Variants in ITPR2 observed in about 807,000 individuals in gnomAD.
ITPR2 encodes the protein inositol 1,4,5-trisphosphate receptor type 2, also known as inositol 1,4,5-trisphosphate-gated calcium channel ITPR2.
A neutral mutation model predicts 317.1 loss-of-function variants in ITPR2; 207 were observed. The ratio of observed to expected loss-of-function variants is 0.65; its 90% confidence interval spans 0.58 to 0.73. The LOEUF is 0.73. ITPR2 is among the 30% of genes least tolerant of loss of function. The pLI is 0.00. For synonymous variants in ITPR2, 1,156 were observed against 1,149.1 expected, an observed-to-expected ratio of 1.01 and a Z score of -0.12; for missense variants, 2,613 against 3,284.0, an observed-to-expected ratio of 0.80 and a Z score of 4.99.
At chr12:26,531,929 A>T (rs1943956430) in intron 37 of ITPR2, among the ~76,000 whole-genome samples, 1 of 152,238 alleles carries the variant, frequency 6.6e-6, no homozygotes, top group Admixed American at 6.5e-5. Context: ...TGGTTAAAAT[A>T]TACTAGAAGC....
intron 1 of ITPR2, among the ~76,000 whole-genome samples, chr12:26,793,953 T>G (rs984566015): frequency 1.3e-5 from 2 of 152,202 alleles, no homozygotes; most frequent in African/African-American, 4.8e-5. Flanking sequence ...GCTACATTTA[T>G]TTTTCTTAGA....
At position 26,781,955 on chromosome 12, in the gene ITPR2, T is replaced by C. The variant is rs1409879081; in HGVS notation, c.163+8202A>G. On this transcript the variant is annotated intron_variant, in intron 2 of 56. Coordinates refer to ENST00000381340, the MANE Select transcript of ITPR2 (RefSeq NM_002223.4). ...TCAGATGGCCTATTGTGGGACCTTG[T>C]GATCATGTGAGTTAATACTACTTAA... Among the ~76,000 whole-genome samples the C allele has an allele frequency of 3.4e-5, 5 of 146,744 alleles. No individual in the cohort carries two copies. The East Asian group carries it at 7.9e-4, about 23-fold the overall frequency.
At chr12:26,353,474 C>T (rs1479624132) in intron 55 of ITPR2, among the ~76,000 whole-genome samples, 1 of 152,228 alleles carries the variant, frequency 6.6e-6, no homozygotes, top group African/African-American at 2.4e-5. Context: ...TAGGTAGACT[C>T]TTACAGAGGG....
intron 36 of ITPR2, among the ~76,000 whole-genome samples, chr12:26,550,999 G>A (rs1944511790): frequency 2.0e-5 from 3 of 152,158 alleles, no homozygotes; most frequent in Admixed American, 2.0e-4. Context: ...ACTGTGCACT[G>A]GTGCTCCGTT....
intron 49 of ITPR2, 106 bp from the exon 50 acceptor site, chr12:26,419,319 T>G (rs974792762): frequency 3.4e-5 from 31 of 916,162 alleles, no homozygotes; most frequent in Non-Finnish European, 4.8e-5. Context: ...GATGAAACAA[T>G]TATTCATTAA....
At chr12:26,638,646 C>T (rs1448362999) in intron 21 of ITPR2, among the ~76,000 whole-genome samples, 1 of 152,166 alleles carries the variant, frequency 6.6e-6, no homozygotes, top group African/African-American at 2.4e-5. Context: ...TAGTTCTTTG[C>T]TGCTTTGTTC....
At chr12:26,573,800 T>C (rs938648913) in intron 34 of ITPR2, among the ~76,000 whole-genome samples, 8 of 152,060 alleles carry the variant, frequency 5.3e-5, no homozygotes, top group Non-Finnish European at 1.0e-4. Flanking sequence ...TGGAGGGTGA[T>C]GGGAAAAGGT....
intron 41 of ITPR2, among the ~76,000 whole-genome samples, chr12:26,485,257 CGT>C (rs1166307119): frequency 1.3e-5 from 2 of 152,052 alleles, no homozygotes; most frequent in African/African-American, 4.8e-5. Context: ...TATTATTTAA[CGT>C]GTTTATTTGA....
intron 45 of ITPR2, among the ~76,000 whole-genome samples, chr12:26,455,007 C>A (rs1445281989): frequency 2.6e-5 from 4 of 151,974 alleles, no homozygotes. Context: ...AAGAATGAGT[C>A]AATTGCTTTT....
At chr12:26,481,920 G>A (rs1019001135) in intron 42 of ITPR2, among the ~76,000 whole-genome samples, 4 of 152,164 alleles carry the variant, frequency 2.6e-5, no homozygotes, top group African/African-American at 7.2e-5. Context: ...TCCACATTTT[G>A]AAGGTTAAGA....
Position 26,427,397 on chromosome 12 carries a change from T to C in ITPR2, c.6945+516A>G, listed in dbSNP as rs565429202. Among the ~76,000 whole-genome samples the C allele has an allele frequency of 2.6e-5, 4 of 152,140 alleles. No homozygotes were observed. The South Asian group carries it at 8.3e-4, about 31-fold the overall frequency. On this transcript the variant is annotated intron_variant, in intron 49 of 56. Transcript: ENST00000381340. Reference sequence around the variant, plus strand: ...GCTTCCTTATTCTAATATTTCAAAATTCGGTCAAAAAATTAATCCTATCTA... The same window carrying C: ...GCTTCCTTATTCTAATATTTCAAAACTCGGTCAAAAAATTAATCCTATCTA...
chr12:26,463,959 T>G (rs762649569), intron 45 of ITPR2, among the ~76,000 whole-genome samples: 3 of 152,170 alleles, frequency 2.0e-5, no homozygotes, highest in Admixed American at 1.3e-4. Flanking sequence ...ATTTTCCCTA[T>G]GATGAAAATG....
intron 1 of ITPR2, among the ~76,000 whole-genome samples, chr12:26,802,562 TATATAG>T (rs1266487584): frequency 5.9e-4 from 37 of 62,516 alleles, no homozygotes; most frequent in Admixed American, 3.2e-3. Context: ...TATATATCTA[TATATAG>T]ATATAGATAT....
At chr12:26,402,824 A>G (rs1940221795) in intron 52 of ITPR2, among the ~76,000 whole-genome samples, 1 of 152,162 alleles carries the variant, frequency 6.6e-6, no homozygotes, top group Non-Finnish European at 1.5e-5. Context: ...TCATCTAGTA[A>G]ATGCCACCTT....
At chr12:26,705,354 T>A (rs1056627531) in intron 9 of ITPR2, among the ~76,000 whole-genome samples, 5 of 152,212 alleles carry the variant, frequency 3.3e-5, no homozygotes, top group Non-Finnish European at 7.3e-5. Flanking sequence ...CACTTCCTCC[T>A]TTGCGAAGTT....
At chr12:26,785,467 G>C (rs1180510622) in intron 2 of ITPR2, among the ~76,000 whole-genome samples, 1 of 80,648 alleles carries the variant, frequency 1.2e-5, no homozygotes, top group African/African-American at 3.9e-5. Context: ...CGCCCCGTCC[G>C]GGAGGTGAGG....
intron 26 of ITPR2, among the ~76,000 whole-genome samples, chr12:26,603,689 T>G (rs1395143380): frequency 6.6e-6 from 1 of 152,218 alleles, no homozygotes; most frequent in East Asian, 1.9e-4. Context: ...AGGTCAAGTT[T>G]AAGGCAAGGT....
At chr12:26,634,687 C>A (rs1946827222) in intron 21 of ITPR2, among the ~76,000 whole-genome samples, 1 of 151,882 alleles carries the variant, frequency 6.6e-6, no homozygotes, top group African/African-American at 2.4e-5. Flanking sequence ...GGAGATGAGA[C>A]CAGCCTGATC....
In ITPR2 at chr12:26,716,123, TC is replaced by T. The variant is rs1386716797; in HGVS notation, c.624+20del. The T allele has an allele frequency of 1.3e-6, 2 of 1,494,816 alleles. No homozygotes were observed. The highest frequency in any genetic ancestry group is 2.8e-5 in the African/African-American group (2 of 72,234). 92.6% of individuals were successfully genotyped at this position (1,494,816 alleles called of 1,614,324 possible). A position where few individuals can be genotyped will look rare whatever the true frequency, so the allele number is the denominator to read the frequency against. Reference sequence around the variant, plus strand: ...TCATGAGAAAAATGAACACATTCATTCCTTTTCCACTTGAACTTACCTCTTT... The same window carrying T: ...TCATGAGAAAAATGAACACATTCATTCTTTTCCACTTGAACTTACCTCTTT... On this transcript the variant is annotated intron_variant, in intron 6 of 56. Transcript: ENST00000381340.
Sources: allele counts gnomAD v4.1 joint callset (sites outside exome capture counted in the v4.1 genomes callset), GRCh38; gene constraint gnomAD v4.1.1; transcripts MANE v1.5; gene names NCBI Gene and HGNC (gene_info 2026-07-23, HGNC 2026-07-21).